The following C10orf105 variants were observed in gnomAD, a reference collection of about 807,000 sequenced individuals.
The protein encoded by C10orf105 is chromosome 10 open reading frame 105, also known as uncharacterized protein C10orf105.
C10orf105 carries 2 observed loss-of-function variants against 0.6 expected under a neutral mutation model. That is an observed-to-expected ratio of 3.18 (90% CI 1.30 to 10.01). The LOEUF (loss-of-function observed/expected upper bound fraction) is 10.01, where lower values mean the gene tolerates loss of function less well. Ranked by LOEUF, C10orf105 falls within the 30% of genes most tolerant of loss-of-function variation. C10orf105 has a pLI of 0.04. For missense variants in C10orf105, 209 were observed against 191.4 expected, an observed-to-expected ratio of 1.09 and a Z score of -0.54; for synonymous variants, 95 against 82.4, an observed-to-expected ratio of 1.15 and a Z score of -0.83.
chr10:71,723,193 G>A (rs773711581), upstream of C10orf105, among the ~76,000 whole-genome samples: 1 of 152,212 alleles, frequency 6.6e-6, no homozygotes, highest in African/African-American at 2.4e-5. Context: ...CAACAGGACA[G>A]CATGTCATAG....
chr10:71,730,663 A>C (rs1589381169), intron 1 of C10orf105: 2 of 1,599,166 alleles, frequency 1.3e-6, no homozygotes, highest in East Asian at 2.3e-5. Flanking sequence ...TCCCCAGCTC[A>C]CCCAGCCCCT....
intron 1 of C10orf105, chr10:71,732,321 C>T (rs1295321858): frequency 3.7e-6 from 6 of 1,601,180 alleles, no homozygotes; most frequent in Middle Eastern, 1.6e-4. Flanking sequence ...CGTACCGCTT[C>T]AACGCCTACA....
In C10orf105 at chr10:71,713,427, C is replaced by T. The variant is rs549018123; in HGVS notation, c.*2509G>A. The T allele has an allele frequency of 3.3e-5, 20 of 607,472 alleles. No individual in the cohort carries two copies. The highest frequency in any genetic ancestry group is 5.3e-5 in the Non-Finnish European group (18 of 340,220). 37.6% of individuals were successfully genotyped at this position (607,472 alleles called of 1,614,324 possible). On this transcript the variant is annotated 3_prime_UTR_variant, in exon 2 of 2. Coordinates refer to ENST00000441508, the MANE Select transcript of C10orf105 (RefSeq NM_001164375.3). Reference sequence around the variant, plus strand: ...TTTACCAACTATGGGGTTTCCGACTCGGAGGCTGAGCCAAACAGGGAATCT... The same window carrying T: ...TTTACCAACTATGGGGTTTCCGACTTGGAGGCTGAGCCAAACAGGGAATCT...
intron 1 of C10orf105, chr10:71,725,578 G>A (rs1866775418): frequency 3.8e-6 from 6 of 1,560,468 alleles, no homozygotes; most frequent in Non-Finnish European, 4.3e-6. Context: ...CCCACAGCTA[G>A]AACAGAGAAG....
Position 71,712,531 on chromosome 10 carries a change from C to A in C10orf105, c.*3405G>T. 4.5e-6 allele frequency: 4 copies of A among 888,174 alleles called. No homozygotes were observed. The highest frequency in any genetic ancestry group is 5.3e-5 in the East Asian group (2 of 37,582). 55.0% of individuals were successfully genotyped at this position (888,174 alleles called of 1,614,324 possible). On this transcript the variant is annotated 3_prime_UTR_variant, in exon 2 of 2. Coordinates refer to ENST00000441508, the MANE Select transcript of C10orf105 (RefSeq NM_001164375.3). ...ATTCCTAAGCTAAAAAGGAAGTCAC[C>A]CCTTGCAAAGGCTAGGGCAGATGGG... is the stretch of plus-strand genomic sequence containing the variant.
At chr10:71,735,871 C>T (rs1452562412) in intron 1 of C10orf105, among the ~76,000 whole-genome samples, 1 of 152,166 alleles carries the variant, frequency 6.6e-6, no homozygotes, top group Non-Finnish European at 1.5e-5. Context: ...CAAGGGCAGC[C>T]GGTGAGCAGA....
intron 1 of C10orf105, among the ~76,000 whole-genome samples, chr10:71,724,861 G>T (rs921923088): frequency 6.6e-6 from 1 of 152,238 alleles, no homozygotes; most frequent in Non-Finnish European, 1.5e-5. Flanking sequence ...ACTGACAGTA[G>T]AGGAGAGTAG....
intron 1 of C10orf105, among the ~76,000 whole-genome samples, chr10:71,730,961 G>C (rs561297054): frequency 6.6e-6 from 1 of 152,332 alleles, no homozygotes; most frequent in Non-Finnish European, 1.5e-5. Flanking sequence ...GCTGCGGCCT[G>C]GCCTGCTCCT....
At chr10:71,730,450 C>A in intron 1 of C10orf105, 1 of 1,612,610 alleles carries the variant, frequency 6.2e-7, no homozygotes, top group Non-Finnish European at 8.5e-7. Context: ...ACCTTGCACC[C>A]CTGGCCCGGC....
chr10:71,722,285 A>C (rs73275842), upstream of C10orf105, among the ~76,000 whole-genome samples: 5,591 of 152,254 alleles, frequency 0.037, 373 homozygotes, highest in African/African-American at 0.13. Context: ...TACAAAAAAA[A>C]TAATAATAAT....
Position 71,716,249 on chromosome 10 carries a change from G to T in C10orf105, c.89C>A (p.Ala30Glu). The T allele has an allele frequency of 6.5e-7, 1 of 1,549,404 alleles. No homozygotes were observed. ...CATGGGGAGGGGGTCAGTTGCCTCT[G>T]CAAGGGTCCCGGGAGTGACGGGAGC... ...LSAPVTPGTL[A>E]EATDPLPMLI... The change falls in exon 2 of 2, where the codon GCA becomes GAA. Residue 30 changes from alanine (A) to glutamate (E), a missense_variant. Physicochemically the swap from Ala to Glu is moderately radical, Grantham distance 107. Coordinates refer to ENST00000441508, the MANE Select transcript of C10orf105 (RefSeq NM_001164375.3).
chr10:71,713,615 T>G lies in C10orf105; in HGVS notation c.*2321A>C. The G allele has an allele frequency of 3.0e-6, 1 of 334,494 alleles. No homozygotes were observed. Among genetic ancestry groups the G allele is most frequent in the South Asian group, 3.3e-5 (1 of 30,346 alleles). The allele number at this position is 334,494 out of a possible 1,614,324, so 20.7% of individuals were successfully genotyped here. The stretch of plus-strand genomic sequence containing the variant: ...CAGAGAGCCCAGAAAGCCCTGAGGA[T>G]TTGCGAGAGTGTGGTGGCTAGCTCC... On this transcript the variant is annotated 3_prime_UTR_variant, in exon 2 of 2. Transcript: ENST00000441508.
At position 71,734,261 on chromosome 10, in the gene C10orf105, C is replaced by G; in HGVS notation, c.-6+3467G>C. ...GCAGGGTGTGATCACAGTCCAGGGC[C>G]TGGTGGACCGTGAGAAGGGCGACTT... On this transcript the variant is annotated intron_variant, in intron 1 of 1. Transcript: ENST00000398786. The G allele has an allele frequency of 6.2e-7, 1 of 1,611,736 alleles. No homozygotes were observed.
chr10:71,724,126 A>T (rs1157792994), upstream of C10orf105: 5 of 1,552,870 alleles, frequency 3.2e-6, no homozygotes, highest in Non-Finnish European at 4.4e-6. Flanking sequence ...CTGCCCTAGG[A>T]TGGGGGGCGG....
rs1002922748 is a variant in C10orf105, at chr10:71,715,809, G to T, written c.*127C>A. ...TGGCCTGGGCATGCAAGGAGCTTCGGGGGGTGAGTGTGTGTCCCAGACTGC... is the reference window on the plus strand; with the variant it reads ...TGGCCTGGGCATGCAAGGAGCTTCGTGGGGTGAGTGTGTGTCCCAGACTGC... On this transcript the variant is annotated 3_prime_UTR_variant, in exon 2 of 2. Transcript: ENST00000441508. 5.5e-6 allele frequency: 5 copies of T among 913,980 alleles called. No homozygotes were observed. The highest frequency in any genetic ancestry group is 3.5e-5 in the African/African-American group (2 of 57,268). The allele number at this position is 913,980 out of a possible 1,614,324, so 56.6% of individuals were successfully genotyped here. A position where few individuals can be genotyped will look rare whatever the true frequency, so the allele number is the denominator to read the frequency against.
chr10:71,736,380 A>G (rs1426414536), intron 1 of C10orf105, among the ~76,000 whole-genome samples: 3 of 152,224 alleles, frequency 2.0e-5, no homozygotes, highest in African/African-American at 4.8e-5. Context: ...CCCAAACCAC[A>G]GCTCACCTCC....
Position 71,734,644 on chromosome 10 carries a change from C to A in C10orf105, c.-6+3084G>T, listed in dbSNP as rs1292337435. On this transcript the variant is annotated intron_variant, in intron 1 of 1. Coordinates refer to the C10orf105 transcript ENST00000398786. ...TCTCTCACTCCCCTCCTGCTGCTGC[C>A]TCTGCCTACAGAAGGTGAGTAGCCT... is the stretch of plus-strand genomic sequence containing the variant. 5.4e-6 allele frequency: 8 copies of A among 1,490,820 alleles called. No homozygotes were observed. Among genetic ancestry groups the A allele is most frequent in the Non-Finnish European group, 7.3e-6 (8 of 1,100,996 alleles). 92.3% of individuals were successfully genotyped at this position (1,490,820 alleles called of 1,614,324 possible).
At position 71,713,313 on chromosome 10, in the gene C10orf105, C is replaced by T. The variant is rs1374871709; in HGVS notation, c.*2623G>A. On this transcript the variant is annotated 3_prime_UTR_variant, in exon 2 of 2. Transcript: ENST00000441508. ...AGGCTCAGAGGGAGAGAAGGGAGGA[C>T]CCTGAAAACAATTTGGGTGTGCACC... The T allele has an allele frequency of 1.3e-6, 1 of 778,582 alleles. No individual in the cohort carries two copies. The highest frequency in any genetic ancestry group is 2.4e-6 in the Non-Finnish European group (1 of 417,654). The allele number at this position is 778,582 out of a possible 1,614,324, so 48.2% of individuals were successfully genotyped here.
rs772538334 is a variant in C10orf105 at position 71,713,275 on chromosome 10, C to A, written c.*2661G>T. 25 of 779,234 alleles carry A rather than the reference C, an allele frequency of 3.2e-5. No homozygotes were observed. The highest frequency in any genetic ancestry group is 6.0e-5 in the Non-Finnish European group (25 of 417,876). 48.3% of individuals were successfully genotyped at this position (779,234 alleles called of 1,614,324 possible). The stretch of plus-strand genomic sequence containing the variant: ...AGGGCTCCTTTGCCCAGGGAGCAGG[C>A]GCAACAGCTCCAAGGCTCAGAGGGA... On this transcript the variant is annotated 3_prime_UTR_variant, in exon 2 of 2. Coordinates refer to ENST00000441508, the MANE Select transcript of C10orf105 (RefSeq NM_001164375.3).
Sources: gnomAD v4.1 joint callset for allele counts (sites outside exome capture counted in the v4.1 genomes callset) on GRCh38, gnomAD v4.1.1 for gene constraint, MANE v1.5 for transcripts, NCBI Gene and HGNC (gene_info 2026-07-23, HGNC 2026-07-21) for gene names.